The following RSU1 variants were observed in gnomAD, a reference collection of about 807,000 sequenced individuals.
The protein encoded by RSU1 is rsu-1.
Under a neutral mutation model 31.1 loss-of-function variants are expected in RSU1, and 26 were observed. That is an observed-to-expected ratio of 0.84 (90% CI 0.61 to 1.16). RSU1 has a LOEUF of 1.16. Among genes scored for constraint, RSU1 ranks in the 50% most tolerant of loss-of-function variants. RSU1 has a pLI of 0.00. For missense variants in RSU1, 320 were observed against 339.1 expected (o/e 0.94, Z 0.44); for synonymous variants, 164 against 136.3 (o/e 1.20, Z -1.41).
At chr10:16,596,911 G>C (rs1252751610) in intron 8 of RSU1, among the ~76,000 whole-genome samples, 2 of 152,020 alleles carry the variant, frequency 1.3e-5, no homozygotes, top group African/African-American at 4.8e-5. Context: ...TTAGTAGAGA[G>C]GGGGTTTCGC....
rs189270865 is a variant in RSU1 at position 16,752,512 on chromosome 10, A to G, written c.598+27T>C. On this transcript the variant is annotated intron_variant, in intron 7 of 8. Coordinates refer to ENST00000345264, the MANE Select transcript of RSU1 (RefSeq NM_012425.4). The stretch of plus-strand genomic sequence containing the variant: ...ATAATTGTTATTCATGAAACCCAGA[A>G]CTAAGTTCATTCATCAGCAACCTTA... 2.5e-5 allele frequency: 39 copies of G among 1,530,062 alleles called. 1 individual carries two copies. The Admixed American group carries it at 5.1e-4, about 20-fold the overall frequency. The allele number at this position is 1,530,062 out of a possible 1,614,324, so 94.8% of individuals were successfully genotyped here. A position where few individuals can be genotyped will look rare whatever the true frequency, so the allele number is the denominator to read the frequency against.
At chr10:16,720,419 A>G (rs1005717735) in intron 7 of RSU1, among the ~76,000 whole-genome samples, 2 of 152,250 alleles carry the variant, frequency 1.3e-5, no homozygotes, top group African/African-American at 2.4e-5. Context: ...TCACTACATC[A>G]TGACAGATAG....
intron 7 of RSU1, among the ~76,000 whole-genome samples, chr10:16,740,184 A>T (rs1836722507): frequency 6.6e-6 from 1 of 152,180 alleles, no homozygotes; most frequent in South Asian, 2.1e-4. Context: ...AATATCCCTC[A>T]TGAACGTGGA....
intron 8 of RSU1, among the ~76,000 whole-genome samples, chr10:16,600,376 G>A (rs1379583983): frequency 6.6e-6 from 1 of 152,100 alleles, no homozygotes; most frequent in Non-Finnish European, 1.5e-5. Context: ...CTTCGGTGAC[G>A]TGCTGTTAAA....
chr10:16,691,114 T>C (rs183422055), intron 8 of RSU1, among the ~76,000 whole-genome samples: 7 of 152,304 alleles, frequency 4.6e-5, no homozygotes, highest in Admixed American at 2.6e-4. Context: ...GTATCATGAA[T>C]AAACTGCCTC....
At chr10:16,697,747 C>T (rs1835708346) in intron 7 of RSU1, among the ~76,000 whole-genome samples, 2 of 151,430 alleles carry the variant, frequency 1.3e-5, no homozygotes, top group African/African-American at 4.9e-5. Context: ...GTATAAACTA[C>T]ATATTTATGG....
At chr10:16,601,562 T>C (rs373838126) in intron 8 of RSU1, among the ~76,000 whole-genome samples, 7 of 152,354 alleles carry the variant, frequency 4.6e-5, no homozygotes, top group African/African-American at 1.4e-4. Flanking sequence ...GGTTCCCTTC[T>C]TGGTTTTCCC....
chr10:16,707,284 G>C (rs1481761180), intron 7 of RSU1, among the ~76,000 whole-genome samples: 1 of 152,114 alleles, frequency 6.6e-6, no homozygotes, highest in African/African-American at 2.4e-5. Context: ...TTGTATGGTA[G>C]TCCTATTTTT....
intron 2 of RSU1, among the ~76,000 whole-genome samples, chr10:16,799,167 A>T (rs1838098448): frequency 6.6e-6 from 1 of 152,224 alleles, no homozygotes; most frequent in Non-Finnish European, 1.5e-5. Context: ...ATACAGTTCA[A>T]ATTCTAAAAA....
chr10:16,755,863 A>T (rs1026828693), intron 4 of RSU1, among the ~76,000 whole-genome samples: 2 of 152,202 alleles, frequency 1.3e-5, no homozygotes. Flanking sequence ...ATTTAGGCTA[A>T]TAATTTCAGT....
chr10:16,740,674 C>A (rs889057130), intron 7 of RSU1, among the ~76,000 whole-genome samples: 4 of 152,000 alleles, frequency 2.6e-5, no homozygotes, highest in African/African-American at 9.7e-5. Context: ...TACTAGCAAC[C>A]AACAACCCAA....
chr10:16,620,554 G>GT (rs1169306291), intron 8 of RSU1, among the ~76,000 whole-genome samples: 2 of 125,038 alleles, frequency 1.6e-5, no homozygotes, highest in African/African-American at 9.3e-5. Flanking sequence ...TGTACAAAAT[G>GT]TTAAAAAAAA....
intron 8 of RSU1, among the ~76,000 whole-genome samples, chr10:16,657,583 GTGTT>G (rs1200395222): frequency 6.7e-6 from 1 of 149,714 alleles, no homozygotes; most frequent in East Asian, 1.9e-4. Flanking sequence ...GTAGACATCT[GTGTT>G]TGTTTGCATA....
chr10:16,676,820 C>A (rs1028768538), intron 8 of RSU1, among the ~76,000 whole-genome samples: 1 of 152,038 alleles, frequency 6.6e-6, no homozygotes, highest in Non-Finnish European at 1.5e-5. Flanking sequence ...GGTTGAGTAT[C>A]CCTAATCCCA....
chr10:16,673,191 G>A (rs150198794), intron 8 of RSU1, among the ~76,000 whole-genome samples: 33 of 152,328 alleles, frequency 2.2e-4, no homozygotes, highest in East Asian at 1.9e-3. Flanking sequence ...GCTGGGAGAA[G>A]CGTTCATCTC....
chr10:16,758,657 C>G (rs142786937), intron 4 of RSU1, among the ~76,000 whole-genome samples: 1 of 152,148 alleles, frequency 6.6e-6, no homozygotes, highest in African/African-American at 2.4e-5. Flanking sequence ...AGAAAATATC[C>G]GAAGCACCCA....
intron 7 of RSU1, among the ~76,000 whole-genome samples, chr10:16,708,211 T>C (rs1358939259): frequency 6.6e-6 from 1 of 152,190 alleles, no homozygotes; most frequent in Non-Finnish European, 1.5e-5. Context: ...GATAACATAG[T>C]CAATTAACAT....
chr10:16,659,374 G>C (rs1203117501), intron 8 of RSU1, among the ~76,000 whole-genome samples: 1 of 141,822 alleles, frequency 7.1e-6, no homozygotes, highest in Non-Finnish European at 1.5e-5. Context: ...CTTTCTGTTG[G>C]TGATTTAAAA....
chr10:16,622,224 T>C (rs1834082624), intron 8 of RSU1, among the ~76,000 whole-genome samples: 2 of 152,348 alleles, frequency 1.3e-5, no homozygotes, highest in South Asian at 4.1e-4. Context: ...CTATTCACAT[T>C]GGCTGTTTAA....
Sources: gnomAD v4.1 joint callset for allele counts (sites outside exome capture counted in the v4.1 genomes callset) on GRCh38, gnomAD v4.1.1 for gene constraint, MANE v1.5 for transcripts, NCBI Gene and HGNC (gene_info 2026-07-23, HGNC 2026-07-21) for gene names.